Variants in USP33 observed in about 807,000 individuals in gnomAD.
USP33 encodes the protein ubiquitin carboxyl-terminal hydrolase 33.
A neutral mutation model predicts 124.2 loss-of-function variants in USP33; 46 were observed. The observed-to-expected ratio is 0.37, with a 90% CI of 0.29 to 0.47. USP33 has a LOEUF of 0.47. Ranked by LOEUF, USP33 falls within the 20% of genes least tolerant of loss-of-function variation. The pLI is 0.99. For synonymous variants in USP33, 350 were observed against 352.3 expected, an observed-to-expected ratio of 0.99 and a Z score of 0.07; for missense variants, 851 against 1,070.6, an observed-to-expected ratio of 0.79 and a Z score of 2.86.
At chr1:77,743,478 T>C (rs1679369008) in intron 1 of USP33, among the ~76,000 whole-genome samples, 1 of 151,998 alleles carries the variant, frequency 6.6e-6, no homozygotes, top group Non-Finnish European at 1.5e-5. Context: ...AGTGCAAACA[T>C]TTCTTTTTTC....
chr1:77,711,116 T>TGGATAGA (rs1336649751), intron 21 of USP33, among the ~76,000 whole-genome samples: 5 of 152,170 alleles, frequency 3.3e-5, no homozygotes, highest in African/African-American at 1.2e-4. Flanking sequence ...ACATGCAGTC[T>TGGATAGA]GGATAGACTA....
rs185144867 is a variant in USP33 at position 77,722,300 on chromosome 1, A to T, written c.1390-104T>A. ...AGATCAAAGCATGTTTAAATAAGCAAAAAAAACAAAAAACAAAAAAAAACA... is the reference window on the plus strand; with the variant it reads ...AGATCAAAGCATGTTTAAATAAGCATAAAAAACAAAAAACAAAAAAAAACA... On this transcript the variant is annotated intron_variant, in intron 12 of 23. Coordinates refer to ENST00000370794, the MANE Select transcript of USP33 (RefSeq NM_201624.3). The T allele has an allele frequency of 7.6e-6, 9 of 1,184,512 alleles. No individual in the cohort carries two copies. In the African/African-American group the frequency reaches 1.4e-4, roughly 18 times the overall value. 73.4% of individuals were successfully genotyped at this position (1,184,512 alleles called of 1,614,324 possible). A position where few individuals can be genotyped will look rare whatever the true frequency, so the allele number is the denominator to read the frequency against.
chr1:77,728,736 T>C, intron 9 of USP33, 24 bp from the exon 10 acceptor site: 1 of 1,596,852 alleles, frequency 6.3e-7, no homozygotes, highest in Non-Finnish European at 8.5e-7. Flanking sequence ...AACATAATGT[T>C]AACCACTTCA....
intron 21 of USP33, among the ~76,000 whole-genome samples, chr1:77,703,455 C>T (rs1298970948): frequency 6.6e-6 from 1 of 152,302 alleles, no homozygotes; most frequent in South Asian, 2.1e-4. Flanking sequence ...GAAACCTCAT[C>T]TCTACTAATA....
rs922173528 is a variant in USP33 at position 77,715,923 on chromosome 1, G to A, written c.1919-55C>T. On this transcript the variant is annotated intron_variant, in intron 17 of 23. Coordinates refer to ENST00000370794, the MANE Select transcript of USP33 (RefSeq NM_201624.3). ...GTAATACAAAAACAACAGAAGAAAG[G>A]AGGATAAACTTTTTATATTTCCAGT... 24 of 1,548,874 alleles carry A rather than the reference G, an allele frequency of 1.5e-5. No individual in the cohort carries two copies. The South Asian group carries it at 2.3e-4, about 15-fold the overall frequency.
At chr1:77,730,566 T>C in intron 8 of USP33, 52 bp downstream of exon 8, 1 of 1,301,688 alleles carries the variant, frequency 7.7e-7, no homozygotes, top group South Asian at 1.8e-5. Context: ...TAAATATTTA[T>C]AATATTCATT....
chr1:77,714,756 C>G lies in USP33; in HGVS notation c.2073G>C (p.Glu691Asp), dbSNP rs369977044. ...TCAATAAATTTGATATCCTTCTCCT[C>G]TCTTTTTGTGCCTCTTCGCTGCTCT... Reference protein sequence around the residue: ...YRKSSEEAQKERRRISNLLNI... With the variant: ...YRKSSEEAQKDRRRISNLLNI... Residue 691 changes from glutamate to aspartate, a missense_variant, in exon 19 of 24, where the codon GAG (glutamate) becomes GAC (aspartate). Physicochemically the swap from Glu to Asp is conservative, Grantham distance 45. Coordinates refer to ENST00000370794, the MANE Select transcript of USP33 (RefSeq NM_201624.3). The G allele has an allele frequency of 2.0e-4, 328 of 1,612,148 alleles. No individual in the cohort carries two copies. The highest frequency in any genetic ancestry group is 2.6e-4 in the Non-Finnish European group (303 of 1,179,916).
Position 77,759,791 on chromosome 1 carries a change from G to A in USP33, c.-200C>T. On this transcript the variant is annotated 5_prime_UTR_variant, in exon 1 of 24. Coordinates refer to ENST00000370794, the MANE Select transcript of USP33 (RefSeq NM_201624.3). Reference sequence around the variant, plus strand: ...AAAACGGCCCCGCAGCGCTGCCCTCGGGGGGTCCGCCTCCTGAACTGGCCA... The same window carrying A: ...AAAACGGCCCCGCAGCGCTGCCCTCAGGGGGTCCGCCTCCTGAACTGGCCA... The A allele has an allele frequency of 2.5e-6, 1 of 397,032 alleles. No homozygotes were observed. The highest frequency in any genetic ancestry group is 4.4e-6 in the Non-Finnish European group (1 of 225,040). The allele number at this position is 397,032 out of a possible 1,614,324, so 24.6% of individuals were successfully genotyped here. A position where few individuals can be genotyped will look rare whatever the true frequency, so the allele number is the denominator to read the frequency against.
intron 1 of USP33, among the ~76,000 whole-genome samples, chr1:77,757,457 T>C (rs1249245890): frequency 1.3e-5 from 2 of 152,244 alleles, no homozygotes; most frequent in East Asian, 1.9e-4. Flanking sequence ...TGCCTTTTTA[T>C]AGATAGTTAA....
rs1242588495 is a variant in USP33, at chr1:77,759,757, G to A, written c.-166C>T. ...TCGGAGAGGGGCAGTGTCGCGTCAG[G>A]AGGGCCGGAAAACGGCCCCGCAGCG... is the stretch of plus-strand genomic sequence containing the variant. On this transcript the variant is annotated 5_prime_UTR_variant, in exon 1 of 24. Transcript: ENST00000370794. The A allele has an allele frequency of 5.0e-6, 2 of 398,070 alleles. No homozygotes were observed. The highest frequency in any genetic ancestry group is 1.3e-4 in the South Asian group (1 of 7,864). The allele number at this position is 398,070 out of a possible 1,614,324, so 24.7% of individuals were successfully genotyped here. A position where few individuals can be genotyped will look rare whatever the true frequency, so the allele number is the denominator to read the frequency against.
intron 8 of USP33, 98 bp from the exon 9 acceptor site, chr1:77,730,036 A>G (rs573393441): frequency 8.7e-7 from 1 of 1,154,916 alleles, no homozygotes; most frequent in South Asian, 1.5e-5. Flanking sequence ...ATAAATTGAA[A>G]AGTATGTTTC....
At chr1:77,701,185 A>C (rs1367836923) in intron 22 of USP33, among the ~76,000 whole-genome samples, 184 bp downstream of exon 22, 2 of 152,198 alleles carry the variant, frequency 1.3e-5, no homozygotes, top group East Asian at 3.9e-4. Flanking sequence ...ATAATTCATA[A>C]AATAAGTTTA....
intron 21 of USP33, among the ~76,000 whole-genome samples, chr1:77,709,170 G>T (rs1674956465): frequency 6.6e-6 from 1 of 151,950 alleles, no homozygotes; most frequent in Admixed American, 6.6e-5. Flanking sequence ...TACCAATATG[G>T]ATGCAGTATC....
At chr1:77,741,805 G>A in intron 1 of USP33, 57 bp from the exon 2 acceptor site, 1 of 1,439,896 alleles carries the variant, frequency 6.9e-7, no homozygotes. Flanking sequence ...TGCCTGCAAA[G>A]ATTCCAAAAA....
rs1425514578 is a variant in USP33, at chr1:77,708,834, AATTTTG to A, written c.2406+2907_2406+2912del. The stretch of plus-strand genomic sequence containing the variant: ...CTAATTGTATACTATTCTGGCACAT[AATTTTG>A]ATTTTGTTTCATTTCTTTCTTTTTT... On this transcript the variant is annotated intron_variant, in intron 21 of 23. Transcript: ENST00000370794. Among the ~76,000 whole-genome samples the A allele has an allele frequency of 3.3e-5, 5 of 151,996 alleles. No individual in the cohort carries two copies. In the East Asian group the frequency reaches 9.6e-4, roughly 29 times the overall value.
At chr1:77,748,705 G>A (rs544701186) in intron 1 of USP33, among the ~76,000 whole-genome samples, 47 of 150,900 alleles carry the variant, frequency 3.1e-4, no homozygotes, top group African/African-American at 1.1e-3. Flanking sequence ...ATGAACTATG[G>A]CTAATATTGT....
chr1:77,741,635 ATCT>A lies in USP33; in HGVS notation c.60_62del (p.Glu20del), dbSNP rs1398854581. 1.3e-6 allele frequency: 2 copies of A among 1,589,806 alleles called. No homozygotes were observed. The highest frequency in any genetic ancestry group is 1.4e-5 in the African/African-American group (1 of 73,768). The stretch of plus-strand genomic sequence containing the variant: ...TTCTTACAAGGGATTTTTGTATCAA[ATCT>A]TCTTTTGTTATTTCACCAACTGAAT... On this transcript the variant is annotated inframe_deletion, in exon 2 of 24. Coordinates refer to ENST00000370794, the MANE Select transcript of USP33 (RefSeq NM_201624.3).
At chr1:77,741,300 A>C (rs980665014) in intron 3 of USP33, 76 bp downstream of exon 3, 5 of 1,427,816 alleles carry the variant, frequency 3.5e-6, no homozygotes, top group Non-Finnish European at 3.8e-6. Context: ...AGTATCAAAA[A>C]TTTTCTGGTT....
Position 77,697,180 on chromosome 1 carries a change from C to T in USP33, c.*137G>A. 1.3e-6 allele frequency: 1 copy of T among 769,266 alleles called. No homozygotes were observed. The highest frequency in any genetic ancestry group is 2.0e-6 in the Non-Finnish European group (1 of 496,608). The allele number at this position is 769,266 out of a possible 1,614,324, so 47.7% of individuals were successfully genotyped here. On this transcript the variant is annotated 3_prime_UTR_variant, in exon 24 of 24. Transcript: ENST00000370794. ...ATTTTAATATATTCTTCCATAATGC[C>T]CACTAAGAAGAAATAAATGGGATAA...
Sources: allele counts gnomAD v4.1 joint callset (sites outside exome capture counted in the v4.1 genomes callset), GRCh38; gene constraint gnomAD v4.1.1; transcripts MANE v1.5; gene names NCBI Gene and HGNC (gene_info 2026-07-23, HGNC 2026-07-21).